The following PALMD variants were observed in gnomAD, a reference collection of about 807,000 sequenced individuals.
The protein encoded by PALMD is paralemmin-like protein.
In PALMD, 42 loss-of-function variants were observed where a neutral mutation model predicts 56.2. The observed-to-expected ratio is 0.75, with a 90% CI of 0.58 to 0.97. PALMD has a LOEUF of 0.97. PALMD is among the 50% of genes least tolerant of loss of function. The pLI is 0.00. For missense variants in PALMD, 660 were observed against 643.8 expected (o/e 1.03, Z -0.27); for synonymous variants, 242 against 222.9 (o/e 1.09, Z -0.76).
At chr1:99,674,459 A>G (rs1159909044) in intron 3 of PALMD, among the ~76,000 whole-genome samples, 2 of 152,274 alleles carry the variant, frequency 1.3e-5, no homozygotes, top group East Asian at 3.9e-4. Flanking sequence ...CAGTCATGCC[A>G]GGAGTCACAC....
chr1:99,648,394 A>G (rs1652489664), intron 1 of PALMD, among the ~76,000 whole-genome samples: 1 of 152,176 alleles, frequency 6.6e-6, no homozygotes, highest in Non-Finnish European at 1.5e-5. Flanking sequence ...TGCCTTGCCC[A>G]GGAAGCCACC....
rs558678804 is a variant in PALMD, at chr1:99,646,159, C to T, written c.-159C>T. 7.6e-5 allele frequency: 49 copies of T among 647,172 alleles called. No homozygotes were observed. In the South Asian group the frequency reaches 8.0e-4, roughly 11 times the overall value. 40.1% of individuals were successfully genotyped at this position (647,172 alleles called of 1,614,324 possible). ...TGATCTGTGCATCTGCTCGGAGACG[C>T]TCCTGACAAGTCGGGAATTTCTCTA... On this transcript the variant is annotated 5_prime_UTR_variant, in exon 1 of 8. Transcript: ENST00000263174.
chr1:99,646,541 C>A (rs1189955924), intron 1 of PALMD, among the ~76,000 whole-genome samples, 179 bp downstream of exon 1: 3 of 152,216 alleles, frequency 2.0e-5, no homozygotes, highest in African/African-American at 7.2e-5. Flanking sequence ...GGCTTCAGAA[C>A]CTGAGTGCAG....
At chr1:99,659,504 A>G (rs1457876725) in intron 1 of PALMD, among the ~76,000 whole-genome samples, 1 of 152,172 alleles carries the variant, frequency 6.6e-6, no homozygotes, top group Non-Finnish European at 1.5e-5. Context: ...GAAGTGCTCC[A>G]GGTTCTGGGG....
Position 99,689,821 on chromosome 1 carries a change from C to T in PALMD, c.1561C>T (p.Pro521Ser). 1 of 1,612,816 alleles carries T rather than the reference C, an allele frequency of 6.2e-7. No homozygotes were observed. The highest frequency in any genetic ancestry group is 8.5e-7 in the Non-Finnish European group (1 of 1,179,696). Residue 521 changes from proline (P) to serine (S), a missense_variant, in exon 7 of 8, where the codon CCA (proline) becomes TCA (serine). Pro to Ser is a moderately conservative substitution (Grantham distance 74). Transcript: ENST00000263174. ...ESLGSPVHHS[P>S]FDAQTTGDGT... is the part of the protein sequence containing the mutation. ...CTTAGGCAGCCCTGTCCACCATTCC[C>T]CATTTGATGCTCAGACAACTGGAGA...
intron 3 of PALMD, among the ~76,000 whole-genome samples, chr1:99,674,741 A>G (rs1436321594): frequency 6.6e-6 from 1 of 152,240 alleles, no homozygotes; most frequent in Non-Finnish European, 1.5e-5. Context: ...GAGTTGTCAT[A>G]AATCTTTGGC....
Position 99,683,046 on chromosome 1 carries a change from AAGAAAGAAAGAGAGAGAG to A in PALMD, c.252-3626_252-3609del, listed in dbSNP as rs1557673782. ...AAAGAAAGAAAGAAAGAAAGAAAGAAAGAAAGAAAGAGAGAGAGAGAGAGAGAGAGAGAGAGAGAGAGA... is the reference window on the plus strand; with the variant it reads ...AAAGAAAGAAAGAAAGAAAGAAAGAAAGAGAGAGAGAGAGAGAGAGAGAGA... On this transcript the variant is annotated intron_variant, in intron 3 of 7. Transcript: ENST00000263174. Among the ~76,000 whole-genome samples, 96 of 19,150 alleles carry A rather than the reference AAGAAAGAAAGAGAGAGAG, an allele frequency of 5.0e-3. 13 individuals are homozygous for A. The highest frequency in any genetic ancestry group is 0.016 in the African/African-American group (90 of 5,800). 12.6% of individuals were successfully genotyped at this position (19,150 alleles called of 152,430 possible). A position where few individuals can be genotyped will look rare whatever the true frequency, so the allele number is the denominator to read the frequency against.
intron 3 of PALMD, chr1:99,685,118 C>T (rs1028874914): frequency 2.0e-5 from 3 of 152,202 alleles, no homozygotes; most frequent in African/African-American, 7.2e-5. Context: ...CTGATATCAA[C>T]CATATTCAAT....
chr1:99,687,022 G>A (rs1367244244), intron 5 of PALMD, 54 bp from the exon 6 acceptor site: 21 of 1,511,646 alleles, frequency 1.4e-5, no homozygotes, highest in Admixed American at 3.7e-5. Flanking sequence ...ATTTGAAATT[G>A]TTCCCATTGT....
At chr1:99,678,876 A>G (rs899503413) in intron 3 of PALMD, among the ~76,000 whole-genome samples, 18 of 152,060 alleles carry the variant, frequency 1.2e-4, no homozygotes, top group African/African-American at 4.3e-4. Flanking sequence ...CTGTAATCCC[A>G]GCTTTTAGGG....
intron 1 of PALMD, among the ~76,000 whole-genome samples, chr1:99,652,694 G>GAAAAAAAA (rs1334929003): frequency 2.3e-5 from 2 of 86,388 alleles, no homozygotes; most frequent in Non-Finnish European, 4.3e-5. Flanking sequence ...GGAAAGGAAA[G>GAAAAAAAA]GAAAAGAAAA....
In PALMD at chr1:99,652,659, AGAAAGGAAAGGAAAGGAAAG is replaced by A. The variant is rs59533552; in HGVS notation, c.45+6317_45+6336del. Reference sequence around the variant, plus strand: ...GGAAAGGAAAGAAAAAAGAAAGAAAAGAAAGGAAAGGAAAGGAAAGGAAAGGAAAGGAAAGGAAAAGAAAA... The same window carrying A: ...GGAAAGGAAAGAAAAAAGAAAGAAAAGAAAGGAAAGGAAAGGAAAAGAAAA... On this transcript the variant is annotated intron_variant, in intron 1 of 7. Transcript: ENST00000263174. 8.4e-3 allele frequency among the ~76,000 whole-genome samples: 1,024 copies of A among 122,314 alleles called. 11 individuals are homozygous for A. Among genetic ancestry groups the A allele is most frequent in the African/African-American group, 0.021 (660 of 31,642 alleles). 80.2% of individuals were successfully genotyped at this position (122,314 alleles called of 152,430 possible).
At chr1:99,660,467 G>T (rs1015338986) in intron 1 of PALMD, among the ~76,000 whole-genome samples, 1 of 152,006 alleles carries the variant, frequency 6.6e-6, no homozygotes, top group African/African-American at 2.4e-5. Context: ...GAAAAATATT[G>T]CCAAAATGTT....
chr1:99,651,591 C>G (rs1049442071), intron 1 of PALMD, among the ~76,000 whole-genome samples: 11 of 152,210 alleles, frequency 7.2e-5, no homozygotes, highest in African/African-American at 2.4e-4. Flanking sequence ...TACCTACCCT[C>G]TCTTAAAAAG....
Position 99,652,587 on chromosome 1 carries a change from G to C in PALMD, c.45+6225G>C, listed in dbSNP as rs148667960. 1.5e-3 allele frequency among the ~76,000 whole-genome samples: 233 copies of C among 151,120 alleles called. 1 individual carries two copies. The highest frequency in any genetic ancestry group is 3.7e-3 in the Admixed American group (56 of 15,084). On this transcript the variant is annotated intron_variant, in intron 1 of 7. Coordinates refer to ENST00000263174, the MANE Select transcript of PALMD (RefSeq NM_017734.5). ...TCACTGCACTCCAGCCTGGGTAACA[G>C]AGTGAGACTCCGTCAGAAAAGAAAA...
At chr1:99,647,658 G>A (rs978012204) in intron 1 of PALMD, among the ~76,000 whole-genome samples, 6 of 152,300 alleles carry the variant, frequency 3.9e-5, no homozygotes, top group Non-Finnish European at 8.8e-5. Context: ...ACAGGAACTC[G>A]GCTCTGCTCT....
chr1:99,683,113 A>G (rs1018869346), intron 3 of PALMD, among the ~76,000 whole-genome samples: 1 of 116,546 alleles, frequency 8.6e-6, no homozygotes, highest in Non-Finnish European at 1.7e-5. Context: ...AAAGAAAGAA[A>G]GAAAGAAAGA....
intron 3 of PALMD, among the ~76,000 whole-genome samples, chr1:99,682,536 A>G (rs955485773): frequency 1.1e-4 from 17 of 152,122 alleles, no homozygotes; most frequent in Non-Finnish European, 2.4e-4. Context: ...TATTCTTACC[A>G]TATTAGTCTA....
intron 3 of PALMD, chr1:99,684,465 G>A (rs979912131): frequency 6.6e-6 from 1 of 152,146 alleles, no homozygotes; most frequent in Non-Finnish European, 1.5e-5. Flanking sequence ...CTGGTTCAAA[G>A]TAGATGCTAA....
Sources: gnomAD v4.1 joint callset for allele counts (sites outside exome capture counted in the v4.1 genomes callset) on GRCh38, gnomAD v4.1.1 for gene constraint, MANE v1.5 for transcripts, NCBI Gene and HGNC (gene_info 2026-07-23, HGNC 2026-07-21) for gene names.